The following SIPA1L1 variants were observed in gnomAD, a reference collection of about 807,000 sequenced individuals.
SIPA1L1 encodes signal induced proliferation associated 1 like 1, also known as signal-induced proliferation-associated 1-like protein 1.
In SIPA1L1, 26 loss-of-function variants were observed where a neutral mutation model predicts 162.7. That is an observed-to-expected ratio of 0.16 (90% CI 0.12 to 0.22). SIPA1L1 has a LOEUF of 0.22. SIPA1L1 is among the 10% of genes least tolerant of loss of function. The probability of loss-of-function intolerance (pLI) is 1.00; values close to 1 mark genes in which losing one functional copy is unlikely to be tolerated. For missense variants in SIPA1L1, 1,874 were observed against 2,241.0 expected (o/e 0.84, Z 3.31); for synonymous variants, 829 against 837.4 (o/e 0.99, Z 0.17).
At chr14:71,369,909 A>T (rs1248966346) in intron 2 of SIPA1L1, among the ~76,000 whole-genome samples, 2 of 133,930 alleles carry the variant, frequency 1.5e-5, no homozygotes, top group Non-Finnish European at 3.2e-5. Flanking sequence ...TAGGTATTTT[A>T]TTCTCTTTGA....
At chr14:71,566,590 T>C (rs1235214923) in intron 4 of SIPA1L1, among the ~76,000 whole-genome samples, 1 of 152,214 alleles carries the variant, frequency 6.6e-6, no homozygotes, top group Non-Finnish European at 1.5e-5. Context: ...CGGGAACTTG[T>C]TTTTGACATT....
At chr14:71,359,330 ACTGTGAAT>A (rs1347968611) in intron 2 of SIPA1L1, among the ~76,000 whole-genome samples, 12 of 152,152 alleles carry the variant, frequency 7.9e-5, no homozygotes, top group African/African-American at 2.9e-4. Context: ...GCCATGTGGA[ACTGTGAAT>A]CCACTAAACC....
intron 3 of SIPA1L1, among the ~76,000 whole-genome samples, chr14:71,527,919 C>A (rs1175868746): frequency 1.3e-5 from 2 of 152,160 alleles, no homozygotes; most frequent in African/African-American, 4.8e-5. Context: ...GAGTCTCGCT[C>A]TATCGTCCAG....
chr14:71,609,143 G>A lies in SIPA1L1; in HGVS notation c.1499-9614G>A, dbSNP rs576307046. On this transcript the variant is annotated intron_variant, in intron 5 of 23. Coordinates refer to ENST00000381232, the MANE Select transcript of SIPA1L1 (RefSeq NM_001386936.1). ...ATCTCTTATTTAAAGTTTTTCAGCT[G>A]TTTTTTCCAATTCTTGTTATAATAA... 3.3e-5 allele frequency among the ~76,000 whole-genome samples: 5 copies of A among 152,176 alleles called. No individual in the cohort carries two copies. In the East Asian group the frequency reaches 9.7e-4, roughly 29 times the overall value.
chr14:71,735,853 T>C (rs539796197), intron 22 of SIPA1L1, among the ~76,000 whole-genome samples: 29 of 152,194 alleles, frequency 1.9e-4, no homozygotes, highest in Non-Finnish European at 3.8e-4. Flanking sequence ...ATGGTTAAGA[T>C]GGTATGAAGG....
chr14:71,661,523 A>C, intron 10 of SIPA1L1, 56 bp downstream of exon 10: 1 of 1,568,382 alleles, frequency 6.4e-7, no homozygotes, highest in Non-Finnish European at 8.7e-7. Context: ...TATCGCATAG[A>C]GGCCCCATTC....
intron 2 of SIPA1L1, among the ~76,000 whole-genome samples, chr14:71,351,590 C>T (rs2036712394): frequency 6.8e-6 from 1 of 146,258 alleles, no homozygotes; most frequent in Admixed American, 6.9e-5. Context: ...GTAAGAGTTT[C>T]CTGTATGGTT....
intron 2 of SIPA1L1, among the ~76,000 whole-genome samples, chr14:71,324,615 A>T (rs1428725522): frequency 6.6e-6 from 1 of 152,256 alleles, no homozygotes; most frequent in Non-Finnish European, 1.5e-5. Context: ...AAGTTTCTAC[A>T]TAGTAGAGCC....
chr14:71,518,281 CA>C lies in SIPA1L1; in HGVS notation c.-362+5449del, dbSNP rs71448370. On this transcript the variant is annotated intron_variant, in intron 3 of 23. Transcript: ENST00000381232. ...CCTAGGCAACAGAGGGAGACTGTCT[CA>C]AAAAAAAAAAAATTGTATTTTATTT... Among the ~76,000 whole-genome samples the C allele has an allele frequency of 8.9e-3, 1,241 of 138,976 alleles. 14 individuals carry two copies. The highest frequency in any genetic ancestry group is 9.7e-3 in the African/African-American group (361 of 37,056). The allele number at this position is 138,976 out of a possible 152,430, so 91.2% of individuals were successfully genotyped here.
intron 2 of SIPA1L1, among the ~76,000 whole-genome samples, chr14:71,459,415 T>C (rs930239494): frequency 2.6e-5 from 4 of 152,004 alleles, no homozygotes; most frequent in African/African-American, 7.3e-5. Flanking sequence ...ACAGAACTAA[T>C]AGAAGATATG....
chr14:71,528,972 C>T (rs534979619), intron 3 of SIPA1L1, among the ~76,000 whole-genome samples: 4 of 151,990 alleles, frequency 2.6e-5, no homozygotes, highest in East Asian at 2.0e-4. Flanking sequence ...ATTAGCTGGG[C>T]GTGGTGGCAC....
At chr14:71,508,108 G>A (rs566809611) in intron 2 of SIPA1L1, among the ~76,000 whole-genome samples, 3 of 152,334 alleles carry the variant, frequency 2.0e-5, no homozygotes, top group African/African-American at 7.2e-5. Context: ...AGCCACCATT[G>A]CTGTTTGGGA....
chr14:71,727,160 AG>A (rs1306091062), intron 19 of SIPA1L1, among the ~76,000 whole-genome samples: 1 of 152,086 alleles, frequency 6.6e-6, no homozygotes, highest in Non-Finnish European at 1.5e-5. Flanking sequence ...ATTTTCCCCA[AG>A]GGTGGCATAC....
chr14:71,540,562 G>C (rs1158874676), intron 4 of SIPA1L1, among the ~76,000 whole-genome samples: 1 of 152,016 alleles, frequency 6.6e-6, no homozygotes, highest in African/African-American at 2.4e-5. Context: ...AAAAAGTGCT[G>C]TGTTATAGCT....
chr14:71,556,379 C>G (rs1007422583), intron 4 of SIPA1L1, among the ~76,000 whole-genome samples: 1 of 152,162 alleles, frequency 6.6e-6, no homozygotes, highest in Non-Finnish European at 1.5e-5. Flanking sequence ...GTTCTCAATT[C>G]AGTTCCAACA....
intron 5 of SIPA1L1, among the ~76,000 whole-genome samples, chr14:71,611,487 T>C (rs2038207481): frequency 6.6e-6 from 1 of 152,166 alleles, no homozygotes. Flanking sequence ...GGTGGTTTGC[T>C]GCATCTATCA....
Position 71,419,644 on chromosome 14 carries a change from C to T in SIPA1L1, c.-464-93099C>T, listed in dbSNP as rs1352686928. Among the ~76,000 whole-genome samples the T allele has an allele frequency of 6.6e-5, 10 of 151,494 alleles. No homozygotes were observed. The East Asian group carries it at 2.0e-3, about 30-fold the overall frequency. On this transcript the variant is annotated intron_variant, in intron 2 of 23. Transcript: ENST00000381232. ...TCCCGAGTAGCTGGGACTACAGGTG[C>T]CCGCCACCACGCCCGGCTAATTTTT... is the stretch of plus-strand genomic sequence containing the variant.
intron 2 of SIPA1L1, among the ~76,000 whole-genome samples, chr14:71,444,063 C>A (rs1483674796): frequency 6.6e-6 from 1 of 152,158 alleles, no homozygotes; most frequent in Non-Finnish European, 1.5e-5. Flanking sequence ...CCAGGCAATC[C>A]TATCACAGCC....
chr14:71,544,168 T>C (rs1353648694), intron 4 of SIPA1L1, among the ~76,000 whole-genome samples: 1 of 151,020 alleles, frequency 6.6e-6, no homozygotes, highest in Non-Finnish European at 1.5e-5. Context: ...TATATGTACA[T>C]ATATGCACGT....
Sources: allele counts gnomAD v4.1 joint callset (sites outside exome capture counted in the v4.1 genomes callset), GRCh38; gene constraint gnomAD v4.1.1; transcripts MANE v1.5; gene names NCBI Gene and HGNC (gene_info 2026-07-23, HGNC 2026-07-21).